The following MNAT1 variants were observed in gnomAD, a reference collection of about 807,000 sequenced individuals.
MNAT1 encodes CDK-activating kinase assembly factor MAT1.
A neutral mutation model predicts 42.0 loss-of-function variants in MNAT1; 43 were observed. The observed-to-expected ratio is 1.02, with a 90% confidence interval of 0.80 to 1.32. The LOEUF (loss-of-function observed/expected upper bound fraction) is 1.32, where lower values mean the gene tolerates loss of function less well. Ranked by LOEUF, MNAT1 falls within the 40% of genes most tolerant of loss-of-function variation. MNAT1 has a pLI of 0.00. For synonymous variants in MNAT1, 118 were observed against 120.0 expected, an observed-to-expected ratio of 0.98 and a Z score of 0.11; for missense variants, 306 against 350.4, an observed-to-expected ratio of 0.87 and a Z score of 1.01.
chr14:60,807,032 A>G (rs567748236), intron 3 of MNAT1, among the ~76,000 whole-genome samples: 8 of 152,274 alleles, frequency 5.3e-5, no homozygotes, highest in African/African-American at 1.7e-4. Context: ...AAACTGGAGA[A>G]GTTGCTAGAG....
At chr14:60,963,944 T>C (rs766415247) in intron 7 of MNAT1, among the ~76,000 whole-genome samples, 3 of 152,134 alleles carry the variant, frequency 2.0e-5, no homozygotes, top group Non-Finnish European at 4.4e-5. Context: ...TGGTCTTGAG[T>C]GACAAGCCCT....
intron 6 of MNAT1, among the ~76,000 whole-genome samples, chr14:60,822,314 A>C (rs2032913400): frequency 1.3e-5 from 2 of 152,250 alleles, no homozygotes; most frequent in African/African-American, 4.8e-5. Flanking sequence ...TAAATCTGCT[A>C]ACCTGAACAT....
intron 1 of MNAT1, among the ~76,000 whole-genome samples, chr14:60,770,752 A>T (rs1453210532): frequency 1.3e-5 from 2 of 152,186 alleles, no homozygotes; most frequent in Non-Finnish European, 2.9e-5. Context: ...TATTTCTACC[A>T]AAAGGCACAA....
intron 7 of MNAT1, among the ~76,000 whole-genome samples, chr14:60,934,592 C>T (rs1272404577): frequency 6.6e-6 from 1 of 152,118 alleles, no homozygotes; most frequent in Admixed American, 6.5e-5. Flanking sequence ...TCTTGTCTGC[C>T]GCCATGTGAG....
chr14:60,965,075 C>T (rs1234853722), intron 7 of MNAT1, among the ~76,000 whole-genome samples: 1 of 152,082 alleles, frequency 6.6e-6, no homozygotes, highest in African/African-American at 2.4e-5. Context: ...AGATCAAAAA[C>T]AGCAAAGTAA....
At chr14:60,768,441 C>T (rs938854970) in intron 1 of MNAT1, among the ~76,000 whole-genome samples, 1 of 152,152 alleles carries the variant, frequency 6.6e-6, no homozygotes, top group African/African-American at 2.4e-5. Flanking sequence ...ATATGTTCTA[C>T]AGAAACACAA....
chr14:60,838,073 A>G (rs1244810552), intron 6 of MNAT1, among the ~76,000 whole-genome samples: 1 of 151,940 alleles, frequency 6.6e-6, no homozygotes, highest in East Asian at 1.9e-4. Context: ...CAGCCTGGCT[A>G]GAGGTTTATC....
At chr14:60,783,183 A>G (rs1245667361) in intron 1 of MNAT1, among the ~76,000 whole-genome samples, 1 of 152,190 alleles carries the variant, frequency 6.6e-6, no homozygotes, top group Non-Finnish European at 1.5e-5. Context: ...CTCCAGAACC[A>G]CAGATAAATA....
At chr14:60,750,679 T>C (rs2030050137) in intron 1 of MNAT1, among the ~76,000 whole-genome samples, 1 of 152,116 alleles carries the variant, frequency 6.6e-6, no homozygotes. Flanking sequence ...GAAACATAAA[T>C]CTGAAATCTT....
intron 6 of MNAT1, among the ~76,000 whole-genome samples, chr14:60,824,550 G>A (rs755862867): frequency 5.3e-5 from 8 of 152,064 alleles, no homozygotes; most frequent in Admixed American, 1.3e-4. Flanking sequence ...GAATTAGGAG[G>A]CAATAAAGTA....
intron 7 of MNAT1, among the ~76,000 whole-genome samples, chr14:60,946,998 A>G (rs992156781): frequency 3.3e-5 from 5 of 152,182 alleles, no homozygotes; most frequent in Admixed American, 1.3e-4. Flanking sequence ...GTTCTCTGGT[A>G]TCTGTTCTTG....
Position 60,947,780 on chromosome 14 carries a change from A to T in MNAT1, c.810-20449A>T, listed in dbSNP as rs189724317. 6.0e-4 allele frequency among the ~76,000 whole-genome samples: 92 copies of T among 152,312 alleles called. No individual in the cohort carries two copies. The Middle Eastern group carries it at 0.01, about 17-fold the overall frequency. ...GGATCCTGGACACTTCTGTCATTCT[A>T]CCTGTGTCTGACCAGTACTTCACTC... On this transcript the variant is annotated intron_variant, in intron 7 of 7. Transcript: ENST00000261245.
At chr14:60,967,291 A>T (rs2036699141) in intron 7 of MNAT1, among the ~76,000 whole-genome samples, 1 of 152,244 alleles carries the variant, frequency 6.6e-6, no homozygotes, top group Admixed American at 6.5e-5. Context: ...GTTTGAATGA[A>T]TGAGTGAAAA....
chr14:60,850,802 G>C (rs1028408774), intron 6 of MNAT1, among the ~76,000 whole-genome samples: 2 of 152,140 alleles, frequency 1.3e-5, no homozygotes, highest in African/African-American at 2.4e-5. Flanking sequence ...AAAAGAAAGA[G>C]AGTGATTAGG....
chr14:60,961,231 G>A (rs1566581274), intron 7 of MNAT1, among the ~76,000 whole-genome samples: 1 of 152,126 alleles, frequency 6.6e-6, no homozygotes, highest in Non-Finnish European at 1.5e-5. Flanking sequence ...CAAAGTGCTG[G>A]GATTACAGGC....
At position 60,934,596 on chromosome 14, in the gene MNAT1, A is replaced by G. The variant is rs542276261; in HGVS notation, c.810-33633A>G. On this transcript the variant is annotated intron_variant, in intron 7 of 7. Coordinates refer to ENST00000261245, the MANE Select transcript of MNAT1 (RefSeq NM_002431.4). ...AAGCTGTCTTCTCTTGTCTGCCGCC[A>G]TGTGAGACATGTCTTTCACCTCCTA... Among the ~76,000 whole-genome samples, 7 of 152,314 alleles carry G rather than the reference A, an allele frequency of 4.6e-5. No homozygotes were observed. The South Asian group carries it at 1.5e-3, about 32-fold the overall frequency.
intron 1 of MNAT1, among the ~76,000 whole-genome samples, chr14:60,792,978 A>T (rs2031875308): frequency 6.6e-6 from 1 of 152,098 alleles, no homozygotes; most frequent in Admixed American, 6.6e-5. Context: ...CTGTTGCCAG[A>T]TAAAATGAAC....
chr14:60,912,018 A>G (rs1315416464), intron 7 of MNAT1, among the ~76,000 whole-genome samples: 2 of 152,014 alleles, frequency 1.3e-5, no homozygotes, highest in African/African-American at 4.8e-5. Flanking sequence ...TATTGGGTGC[A>G]TATATATTTA....
intron 7 of MNAT1, among the ~76,000 whole-genome samples, chr14:60,945,550 C>T (rs2036254611): frequency 6.6e-6 from 1 of 152,150 alleles, no homozygotes; most frequent in Non-Finnish European, 1.5e-5. Context: ...ACTGGGGGCA[C>T]TTTCTAAAAT....
Sources: allele counts gnomAD v4.1 joint callset (sites outside exome capture counted in the v4.1 genomes callset), GRCh38; gene constraint gnomAD v4.1.1; transcripts MANE v1.5; gene names NCBI Gene and HGNC (gene_info 2026-07-23, HGNC 2026-07-21).